Variants in PAPSS2 observed in about 807,000 individuals in gnomAD.
PAPSS2 encodes the protein 3'-phosphoadenosine 5'-phosphosulfate synthase 2.
A neutral mutation model predicts 66.5 loss-of-function variants in PAPSS2; 61 were observed. That is an observed-to-expected ratio of 0.92 (90% CI 0.75 to 1.14). The LOEUF is 1.14. PAPSS2 is among the 50% of genes most tolerant of loss of function. PAPSS2 has a pLI of 0.00. For synonymous variants in PAPSS2, 289 were observed against 287.5 expected (o/e 1.01, Z -0.05); for missense variants, 708 against 789.6 (o/e 0.90, Z 1.24).
At position 87,722,229 on chromosome 10, in the gene PAPSS2, C is replaced by G. The variant is rs141182501; in HGVS notation, c.880+459C>G. ...TGTATGATTGTACTTCATTTGTTTG[C>G]AATGTATGATTATGCATGAACTTAA... On this transcript the variant is annotated intron_variant, in intron 8 of 12. Transcript: ENST00000456849. Among the ~76,000 whole-genome samples, 130 of 152,186 alleles carry G rather than the reference C, an allele frequency of 8.5e-4. 1 individual carries two copies. The highest frequency in any genetic ancestry group is 2.9e-3 in the African/African-American group (122 of 41,530).
intron 1 of PAPSS2, among the ~76,000 whole-genome samples, chr10:87,703,001 C>G (rs1418582657): frequency 6.6e-6 from 1 of 152,154 alleles, no homozygotes; most frequent in East Asian, 1.9e-4. Context: ...GCCACTTTGG[C>G]AGTCCTCTTT....
intron 7 of PAPSS2, among the ~76,000 whole-genome samples, chr10:87,717,377 G>A (rs1853544666): frequency 1.3e-5 from 2 of 152,094 alleles, no homozygotes; most frequent in South Asian, 4.1e-4. Context: ...ATACTAGGGT[G>A]GTGGAAGTGG....
intron 9 of PAPSS2, among the ~76,000 whole-genome samples, chr10:87,734,703 A>ATATATATG (rs574455849): frequency 6.4e-4 from 71 of 111,596 alleles, no homozygotes; most frequent in African/African-American, 2.4e-3. Flanking sequence ...ATATATATAT[A>ATATATATG]TATGTATGTA....
At chr10:87,664,394 A>G (rs1212466423) in intron 1 of PAPSS2, among the ~76,000 whole-genome samples, 1 of 152,202 alleles carries the variant, frequency 6.6e-6, no homozygotes, top group Admixed American at 6.5e-5. Flanking sequence ...TGCATAGAGT[A>G]AATATTGGAC....
chr10:87,736,839 A>G (rs1853807144), intron 9 of PAPSS2, among the ~76,000 whole-genome samples: 1 of 151,236 alleles, frequency 6.6e-6, no homozygotes, highest in Non-Finnish European at 1.5e-5. Flanking sequence ...CCTTTCACCA[A>G]CTCTCCCTTC....
chr10:87,681,999 A>C (rs967048454), intron 1 of PAPSS2, among the ~76,000 whole-genome samples: 4 of 152,224 alleles, frequency 2.6e-5, no homozygotes, highest in Admixed American at 6.5e-5. Context: ...ATGGACATGA[A>C]GAATTTTTGA....
intron 1 of PAPSS2, among the ~76,000 whole-genome samples, chr10:87,670,189 G>C (rs186744071): frequency 6.6e-6 from 1 of 152,198 alleles, no homozygotes; most frequent in Non-Finnish European, 1.5e-5. Flanking sequence ...CTAGCCTTAC[G>C]GCTATGTCAG....
At chr10:87,677,582 A>G (rs923313175) in intron 1 of PAPSS2, among the ~76,000 whole-genome samples, 1 of 152,210 alleles carries the variant, frequency 6.6e-6, no homozygotes, top group Non-Finnish European at 1.5e-5. Context: ...AAGCCCTGTA[A>G]CCAGCTCCGT....
chr10:87,677,877 G>C (rs960853015), intron 1 of PAPSS2, among the ~76,000 whole-genome samples: 2 of 152,086 alleles, frequency 1.3e-5, no homozygotes, highest in Non-Finnish European at 2.9e-5. Flanking sequence ...TAAAAATTGT[G>C]ATCACAGATT....
intron 7 of PAPSS2, among the ~76,000 whole-genome samples, chr10:87,720,824 A>G (rs530533762): frequency 2.6e-4 from 40 of 152,236 alleles, no homozygotes; most frequent in Non-Finnish European, 5.1e-4. Context: ...CCATATTATT[A>G]CTCAAGAATC....
intron 7 of PAPSS2, among the ~76,000 whole-genome samples, chr10:87,717,031 C>G (rs535389793): frequency 3.3e-5 from 5 of 152,200 alleles, no homozygotes; most frequent in South Asian, 4.2e-4. Flanking sequence ...AGTGAAAGCC[C>G]AAGACCAGAG....
chr10:87,697,950 A>T (rs1853255375), intron 1 of PAPSS2, among the ~76,000 whole-genome samples: 1 of 152,220 alleles, frequency 6.6e-6, no homozygotes, highest in African/African-American at 2.4e-5. Flanking sequence ...TTTCTTGGCA[A>T]ACATCTGAAT....
intron 1 of PAPSS2, among the ~76,000 whole-genome samples, chr10:87,707,295 T>C (rs546060569): frequency 1.9e-4 from 29 of 152,230 alleles, no homozygotes; most frequent in Non-Finnish European, 2.5e-4. Context: ...CTTTCCTAAT[T>C]TGACACTGAA....
intron 7 of PAPSS2, among the ~76,000 whole-genome samples, chr10:87,719,493 C>T (rs7081055): frequency 0.49 from 75,240 of 152,030 alleles, 19,475 homozygotes; most frequent in East Asian, 0.71. Context: ...CATGGTGGCT[C>T]ATGACCGTAG....
chr10:87,694,011 CA>C (rs1418209884), intron 1 of PAPSS2, among the ~76,000 whole-genome samples: 3 of 152,190 alleles, frequency 2.0e-5, no homozygotes, highest in Non-Finnish European at 4.4e-5. Flanking sequence ...CATCAGTTAA[CA>C]AATCAACGAA....
rs1853174441 is a variant in PAPSS2 at position 87,691,776 on chromosome 10, G to C, written c.28-17420G>C. Among the ~76,000 whole-genome samples, 5 of 152,188 alleles carry C rather than the reference G, an allele frequency of 3.3e-5. No individual in the cohort carries two copies. In the South Asian group the frequency reaches 1.0e-3, roughly 32 times the overall value. ...GAGTGAGTAAGCACCCAAGGAGAAA[G>C]GACTTTCCAAGCAAGGAGAATTTTA... On this transcript the variant is annotated intron_variant, in intron 1 of 12. Transcript: ENST00000456849.
chr10:87,719,937 G>A (rs1216930494), intron 7 of PAPSS2, among the ~76,000 whole-genome samples: 1 of 151,988 alleles, frequency 6.6e-6, no homozygotes, highest in Admixed American at 6.6e-5. Flanking sequence ...CCAGGCTGGA[G>A]TGCAGTGGCG....
intron 1 of PAPSS2, among the ~76,000 whole-genome samples, chr10:87,666,481 C>A (rs1240309066): frequency 6.6e-6 from 1 of 151,884 alleles, no homozygotes; most frequent in East Asian, 1.9e-4. Context: ...AGTCAGATAG[C>A]TAGTCAAAAA....
rs1293936357 is a variant in PAPSS2, at chr10:87,734,636, AC to A, written c.1087-6598del. On this transcript the variant is annotated intron_variant, in intron 9 of 12. Coordinates refer to ENST00000456849, the MANE Select transcript of PAPSS2 (RefSeq NM_001015880.2). ...TAAAGCCCCAGATTCTGTGACTATG[AC>A]TGATAGCACAGAAATGAATGTGTGT... Among the ~76,000 whole-genome samples, 16 of 136,308 alleles carry A rather than the reference AC, an allele frequency of 1.2e-4. No individual in the cohort carries two copies. In the East Asian group the frequency reaches 3.5e-3, roughly 30 times the overall value. The allele number at this position is 136,308 out of a possible 152,430, so 89.4% of individuals were successfully genotyped here.
Sources: gnomAD v4.1 joint callset for allele counts (sites outside exome capture counted in the v4.1 genomes callset) on GRCh38, gnomAD v4.1.1 for gene constraint, MANE v1.5 for transcripts, NCBI Gene and HGNC (gene_info 2026-07-23, HGNC 2026-07-21) for gene names.